APEH: variants seen among roughly 807,000 people sequenced by gnomAD.
APEH encodes the protein acylaminoacyl-peptide hydrolase, also known as acylamino-acid-releasing enzyme.
APEH carries 75 observed loss-of-function variants against 102.7 expected under a neutral mutation model. The observed-to-expected ratio is 0.73, with a 90% CI of 0.61 to 0.89. APEH has a LOEUF of 0.89. Among genes scored for constraint, APEH ranks in the 40% least tolerant of loss-of-function variants. The pLI, the probability that APEH is intolerant of heterozygous loss-of-function variation, is 0.00. For missense variants in APEH, 863 were observed against 941.2 expected (o/e 0.92, Z 1.09); for synonymous variants, 344 against 362.7 (o/e 0.95, Z 0.59).
chr3:49,682,463 G>A, intron 18 of APEH, 27 bp downstream of exon 18: 1 of 1,612,718 alleles, frequency 6.2e-7, no homozygotes, highest in Non-Finnish European at 8.5e-7. Flanking sequence ...CTTCTGGACA[G>A]GCTGAAACAT....
rs768993340 is a variant in APEH at position 49,676,804 on chromosome 3, C to CG, written c.870dup (p.Lys291GlufsTer3). The CG allele has an allele frequency of 3.1e-6, 5 of 1,614,214 alleles. No individual in the cohort carries two copies. Among genetic ancestry groups the CG allele is most frequent in the Non-Finnish European group, 4.2e-6 (5 of 1,180,038 alleles). On this transcript the variant is annotated frameshift_variant, in exon 9 of 22. Coordinates refer to ENST00000296456, the MANE Select transcript of APEH (RefSeq NM_001640.4). LOFTEE classifies it high-confidence loss of function. ...CAGCCCTGTATTATGTGGACCTCAT[C>CG]GGGGGGAAGTGTGGTAAGTGGCTGA...
chr3:49,680,887 C>T (rs1410820205), intron 14 of APEH, among the ~76,000 whole-genome samples: 1 of 152,208 alleles, frequency 6.6e-6, no homozygotes, highest in South Asian at 2.1e-4. Flanking sequence ...GACAGCAGAG[C>T]CTAGAAGCTG....
At chr3:49,673,798 C>CA (rs2052881415), upstream of APEH, among the ~76,000 whole-genome samples, 1 of 148,540 alleles carries the variant, frequency 6.7e-6, no homozygotes, top group East Asian at 2.0e-4. Flanking sequence ...GCCCAACCCT[C>CA]ACCCTCACGC....
At position 49,683,897 on chromosome 3, in the gene APEH, G is replaced by C; in HGVS notation, c.*555G>C. ...CTGGGCTCAAGCCACCCGAGCCCTAGCAAGGAGTCACTGACACATTTCCTG... is the reference window on the plus strand; with the variant it reads ...CTGGGCTCAAGCCACCCGAGCCCTACCAAGGAGTCACTGACACATTTCCTG... On this transcript the variant is annotated 3_prime_UTR_variant, in exon 22 of 22. Coordinates refer to ENST00000296456, the MANE Select transcript of APEH (RefSeq NM_001640.4). 1 of 1,412,638 alleles carries C rather than the reference G, an allele frequency of 7.1e-7. No individual in the cohort carries two copies. The highest frequency in any genetic ancestry group is 9.6e-7 in the Non-Finnish European group (1 of 1,045,828). The allele number at this position is 1,412,638 out of a possible 1,614,324, so 87.5% of individuals were successfully genotyped here. A position where few individuals can be genotyped will look rare whatever the true frequency, so the allele number is the denominator to read the frequency against.
Position 49,676,484 on chromosome 3 carries a change from A to C in APEH, c.713A>C (p.Glu238Ala). 1 of 1,614,204 alleles carries C rather than the reference A, an allele frequency of 6.2e-7. No individual in the cohort carries two copies. The change falls in exon 7 of 22, where the codon GAG (glutamate) becomes GCG (alanine). Residue 238 changes from glutamate (E) to alanine (A), a missense_variant. Transcript: ENST00000296456. ...DVESGNISVL[E>A]GVPENVSPGQ... ...GAGAGTGGCAACATCTCTGTGCTTG[A>C]GGGGGTCCCTGAGAATGTGTCCCCT...
upstream of APEH, among the ~76,000 whole-genome samples, chr3:49,673,174 G>A (rs1428671794): frequency 2.0e-5 from 3 of 146,718 alleles, no homozygotes; most frequent in Non-Finnish European, 4.5e-5. Flanking sequence ...GGAAGCTACA[G>A]GCCAGACAAG....
In APEH at chr3:49,681,942, C is replaced by T; in HGVS notation, c.1578C>T (p.Cys526=). The change falls in exon 17 of 22, where the codon TGC becomes TGT. Residue 526 remains cysteine, a synonymous_variant. Coordinates refer to ENST00000296456, the MANE Select transcript of APEH (RefSeq NM_001640.4). ...TAWMLFPAML[C]KMGFAVLLVN... ...GGATGCTGTTCCCAGCCATGCTTTG[C>T]AAGATGGGCTTTGCGGTACTACTAG... 1 of 1,614,164 alleles carries T rather than the reference C, an allele frequency of 6.2e-7. No individual in the cohort carries two copies. Among genetic ancestry groups the T allele is most frequent in the Non-Finnish European group, 8.5e-7 (1 of 1,179,984 alleles).
chr3:49,673,998 C>T (rs567500737), upstream of APEH: 48 of 264,070 alleles, frequency 1.8e-4, 1 homozygote, highest in African/African-American at 1.1e-3. Flanking sequence ...CCTTGCAGCA[C>T]CCCCTCAACC....
At chr3:49,673,999 C>A, upstream of APEH, 1 of 276,412 alleles carries the variant, frequency 3.6e-6, no homozygotes. Context: ...CTTGCAGCAC[C>A]CCCTCAACCC....
rs2053399408 is a variant in APEH at position 49,682,734 on chromosome 3, C to G, written c.1881C>G (p.Asp627Glu). The change falls in exon 19 of 22, where the codon GAC becomes GAG. Residue 627 changes from aspartate to glutamate, a missense_variant and splice_region_variant. Asp to Glu is a conservative substitution (Grantham distance 45, BLOSUM62 2). Coordinates refer to ENST00000296456, the MANE Select transcript of APEH (RefSeq NM_001640.4). ...TGTTGGGCTCCACTGACATCCCTGA[C>G]TGGTAGGCATACACCACAGGTCCCT... ...ASMLGSTDIP[D>E]WCVVEAGFPF... is the part of the protein sequence containing the mutation. 2 of 1,613,790 alleles carry G rather than the reference C, an allele frequency of 1.2e-6. No homozygotes were observed. The highest frequency in any genetic ancestry group is 1.7e-6 in the Non-Finnish European group (2 of 1,179,974).
At chr3:49,680,995 G>C in intron 14 of APEH, 106 bp from the exon 15 acceptor site, 1 of 1,393,272 alleles carries the variant, frequency 7.2e-7, no homozygotes, top group Non-Finnish European at 9.6e-7. Flanking sequence ...TCTGGAGGTG[G>C]GTAGAGGGCC....
intron 11 of APEH, 52 bp from the exon 12 acceptor site, chr3:49,678,800 A>T: frequency 6.9e-7 from 1 of 1,456,424 alleles, no homozygotes; most frequent in Non-Finnish European, 9.6e-7. Flanking sequence ...CTTGTAGACT[A>T]CCCTCCCTAC....
chr3:49,681,821 T>C lies in APEH; in HGVS notation c.1522+16T>C, dbSNP rs2053332269. 5 of 1,611,234 alleles carry C rather than the reference T, an allele frequency of 3.1e-6. No homozygotes were observed. The highest frequency in any genetic ancestry group is 4.2e-6 in the Non-Finnish European group (5 of 1,177,534). ...ATGCCCCACGGTAGGCATCTGGCGTTAAGAGCCCTTGCCCTCCCAGCCCTC... is the reference window on the plus strand; with the variant it reads ...ATGCCCCACGGTAGGCATCTGGCGTCAAGAGCCCTTGCCCTCCCAGCCCTC... On this transcript the variant is annotated intron_variant, in intron 16 of 21. Transcript: ENST00000296456.
In APEH at chr3:49,674,574, C is replaced by G. The variant is rs778641962; in HGVS notation, c.98C>G (p.Pro33Arg). ...GCGCTGAGCGCCGCCTGCCTGGGCCCGGAGGTCACCACGCAGTACGGCGGC... is the reference window on the plus strand; with the variant it reads ...GCGCTGAGCGCCGCCTGCCTGGGCCGGGAGGTCACCACGCAGTACGGCGGC... ...QPALSAACLG[P>R]EVTTQYGGQY... The change falls in exon 2 of 22, where the codon CCG (proline) becomes CGG (arginine). Residue 33 changes from proline to arginine, a missense_variant. Pro to Arg is a moderately radical substitution (Grantham distance 103). Coordinates refer to ENST00000296456, the MANE Select transcript of APEH (RefSeq NM_001640.4). 18 of 1,574,258 alleles carry G rather than the reference C, an allele frequency of 1.1e-5. No homozygotes were observed. The highest frequency in any genetic ancestry group is 1.3e-5 in the African/African-American group (1 of 74,760).
intron 7 of APEH, 30 bp downstream of exon 7, chr3:49,676,545 G>A (rs764180541): frequency 6.2e-7 from 1 of 1,614,252 alleles, no homozygotes; most frequent in Admixed American, 1.7e-5. Context: ...GTCCCCCCTG[G>A]AGTCTGGGAC....
Position 49,681,086 on chromosome 3 carries a change from C to T in APEH, c.1300-15C>T, listed in dbSNP as rs759757859. On this transcript the variant is annotated splice_polypyrimidine_tract_variant and intron_variant, in intron 14 of 21. Transcript: ENST00000296456. The stretch of plus-strand genomic sequence containing the variant: ...GCAGCCAGGCCACCTATGACACATT[C>T]TTTCCCCTTGGCAGAAAGTTGGGTT... 6.4e-7 allele frequency: 1 copy of T among 1,564,944 alleles called. No individual in the cohort carries two copies. Among genetic ancestry groups the T allele is most frequent in the African/African-American group, 1.4e-5 (1 of 73,316 alleles).
rs1290900889 is a variant in APEH at position 49,683,272 on chromosome 3, C to CAGAGGT, written c.2130_2135dup (p.Val714_Glu715dup). On this transcript the variant is annotated inframe_insertion, in exon 22 of 22. Coordinates refer to ENST00000296456, the MANE Select transcript of APEH (RefSeq NM_001640.4). ...TATCCCAAAAGCACCCACGCATTAT[C>CAGAGGT]AGAGGTGGAGGTGGAGTCAGACAGC... is the stretch of plus-strand genomic sequence containing the variant. The CAGAGGT allele has an allele frequency of 6.2e-7, 1 of 1,614,044 alleles. No individual in the cohort carries two copies. Among genetic ancestry groups the CAGAGGT allele is most frequent in the Non-Finnish European group, 8.5e-7 (1 of 1,179,994 alleles).
intron 13 of APEH, 53 bp from the exon 14 acceptor site, chr3:49,680,488 G>A: frequency 6.7e-7 from 1 of 1,498,218 alleles, no homozygotes; most frequent in East Asian, 2.3e-5. Context: ...AGAGAAGCAG[G>A]TAAGAAAGGT....
chr3:49,674,740 C>A, intron 2 of APEH, 119 bp downstream of exon 2: 1 of 1,365,588 alleles, frequency 7.3e-7, no homozygotes, highest in Non-Finnish European at 9.9e-7. Context: ...CCGGCCTGGA[C>A]TTGGAGGTTA....
Sources: allele counts gnomAD v4.1 joint callset (sites outside exome capture counted in the v4.1 genomes callset), GRCh38; gene constraint gnomAD v4.1.1; transcripts MANE v1.5; gene names NCBI Gene and HGNC (gene_info 2026-07-23, HGNC 2026-07-21).